The following ZNF723 variants were observed in gnomAD, a reference collection of about 807,000 sequenced individuals.
ZNF723 encodes the protein zinc finger protein 723, pseudogene.
A neutral mutation model predicts 9.4 loss-of-function variants in ZNF723; 5 were observed. That is an observed-to-expected ratio of 0.53 (90% CI 0.28 to 1.12). ZNF723 has a LOEUF of 1.12. ZNF723 is among the 50% of genes most tolerant of loss of function. The pLI is 0.10. For missense variants in ZNF723, 450 were observed against 501.5 expected (o/e 0.90, Z 0.98); for synonymous variants, 158 against 168.8 (o/e 0.94, Z 0.49).
intron 1 of ZNF723, chr19:22,840,637 T>C (rs1472824268): frequency 2.6e-5 from 4 of 152,182 alleles, no homozygotes; most frequent in Admixed American, 2.0e-4. Flanking sequence ...TTTTATTTTC[T>C]CTTGATATAA....
At chr19:22,828,876 A>G (rs368097753), upstream of ZNF723, among the ~76,000 whole-genome samples, 1 of 152,186 alleles carries the variant, frequency 6.6e-6, no homozygotes, top group East Asian at 1.9e-4. Context: ...CTAATCCTTT[A>G]AAAAATAAAT....
At chr19:22,848,729 TTTTATTTATTTATTTATTTA>T (rs71163410) in intron 2 of ZNF723, among the ~76,000 whole-genome samples, 9 of 143,062 alleles carry the variant, frequency 6.3e-5, no homozygotes, top group East Asian at 4.2e-4. Context: ...AGAGAAATTA[TTTTATTTATTTATTTATTTA>T]TTTATTTATT....
At chr19:22,812,954 T>TTTTTTTGTTTG in the ZNF723 span, among the ~76,000 whole-genome samples, 2 of 151,186 alleles carry the variant, frequency 1.3e-5, no homozygotes, top group African/African-American at 2.4e-5. Flanking sequence ...AAGGTGTTTT[T>TTTTTTTGTTTG]TTTGTTTGTT....
intron 1 of ZNF723, 89 bp from the exon 2 acceptor site, chr19:22,848,172 T>C: frequency 1.9e-6 from 1 of 534,268 alleles, no homozygotes. Context: ...TTCTCTTTAC[T>C]CTCTCATTTC....
chr19:22,826,670 C>T, the ZNF723 span, among the ~76,000 whole-genome samples: 8 of 152,160 alleles, frequency 5.3e-5, no homozygotes, highest in South Asian at 2.1e-4. Flanking sequence ...CAGTCAAATG[C>T]GGACTCGTGT....
At chr19:22,854,002 A>G (rs1217787040) in intron 3 of ZNF723, among the ~76,000 whole-genome samples, 1 of 152,042 alleles carries the variant, frequency 6.6e-6, no homozygotes, top group Non-Finnish European at 1.5e-5. Flanking sequence ...ACTCTCTTCA[A>G]ATTTTCTCTT....
intron 3 of ZNF723, among the ~76,000 whole-genome samples, chr19:22,856,010 A>T (rs1467413254): frequency 6.6e-6 from 1 of 151,700 alleles, no homozygotes; most frequent in Non-Finnish European, 1.5e-5. Context: ...CCCAGGCTGG[A>T]GTGCAATGGC....
chr19:22,846,358 C>T (rs1967309623), intron 1 of ZNF723, among the ~76,000 whole-genome samples: 1 of 152,142 alleles, frequency 6.6e-6, no homozygotes, highest in Non-Finnish European at 1.5e-5. Context: ...TGCGGTGGCT[C>T]CCACCTGTAA....
At chr19:22,853,739 C>A (rs1214243012) in intron 3 of ZNF723, among the ~76,000 whole-genome samples, 1 of 152,092 alleles carries the variant, frequency 6.6e-6, no homozygotes, top group Non-Finnish European at 1.5e-5. Flanking sequence ...CTCAGCCTTC[C>A]AAGTAGCTGG....
At chr19:22,813,224 A>G in the ZNF723 span, among the ~76,000 whole-genome samples, 2 of 152,164 alleles carry the variant, frequency 1.3e-5, no homozygotes, top group African/African-American at 4.8e-5. Flanking sequence ...GAAATGGGAC[A>G]TGTGTAAGAT....
intron 1 of ZNF723, among the ~76,000 whole-genome samples, chr19:22,839,832 T>C (rs554080513): frequency 6.6e-6 from 1 of 152,298 alleles, no homozygotes; most frequent in South Asian, 2.1e-4. Flanking sequence ...TGTGAGAAGG[T>C]ATCTCATTGT....
At chr19:22,851,624 C>T (rs1967396791) in intron 3 of ZNF723, among the ~76,000 whole-genome samples, 1 of 152,128 alleles carries the variant, frequency 6.6e-6, no homozygotes, top group Non-Finnish European at 1.5e-5. Flanking sequence ...TCTTTGCCTC[C>T]TAATGCTATC....
At chr19:22,850,232 G>A (rs1035519422) in intron 3 of ZNF723, among the ~76,000 whole-genome samples, 3 of 151,960 alleles carry the variant, frequency 2.0e-5, no homozygotes, top group Admixed American at 1.3e-4. Flanking sequence ...TTGAGATGGA[G>A]TTTTGCTCTT....
chr19:22,845,897 T>C (rs1415242140), intron 1 of ZNF723, among the ~76,000 whole-genome samples: 1 of 150,634 alleles, frequency 6.6e-6, no homozygotes, highest in Non-Finnish European at 1.5e-5. Context: ...GCCTTTTTTT[T>C]TTTTTTTTTT....
At chr19:22,819,673 A>AT in the ZNF723 span, among the ~76,000 whole-genome samples, 24 of 152,330 alleles carry the variant, frequency 1.6e-4, no homozygotes, top group African/African-American at 5.5e-4. Context: ...GCATTGCAAC[A>AT]TATCTCTTGG....
chr19:22,823,803 G>A, the ZNF723 span, among the ~76,000 whole-genome samples: 1 of 152,298 alleles, frequency 6.6e-6, no homozygotes, highest in Admixed American at 6.5e-5. Context: ...CAGCACGTGG[G>A]TGATGTGACT....
chr19:22,848,177 C>A, intron 1 of ZNF723, 84 bp from the exon 2 acceptor site: 1 of 540,048 alleles, frequency 1.9e-6, no homozygotes, highest in South Asian at 3.4e-5. Context: ...TTTACTCTCT[C>A]ATTTCACCTT....
At chr19:22,821,796 T>A in the ZNF723 span, among the ~76,000 whole-genome samples, 2 of 152,172 alleles carry the variant, frequency 1.3e-5, no homozygotes, top group African/African-American at 4.8e-5. Flanking sequence ...TTTAGAAAGG[T>A]CACAGAGGTT....
chr19:22,824,503 G>A, the ZNF723 span, among the ~76,000 whole-genome samples: 12 of 152,030 alleles, frequency 7.9e-5, no homozygotes, highest in African/African-American at 2.9e-4. Flanking sequence ...CACAAACCAG[G>A]AGAAATATTG....
Sources: allele counts gnomAD v4.1 joint callset (sites outside exome capture counted in the v4.1 genomes callset), GRCh38; gene constraint gnomAD v4.1.1; transcripts MANE v1.5; gene names NCBI Gene and HGNC (gene_info 2026-07-23, HGNC 2026-07-21).